The following POM121 variants were observed in gnomAD, a reference collection of about 807,000 sequenced individuals.
POM121 encodes nuclear envelope pore membrane protein POM 121.
In POM121, 32 loss-of-function variants were observed where a neutral mutation model predicts 81.3. The ratio of observed to expected loss-of-function variants is 0.39; its 90% CI spans 0.30 to 0.53. The LOEUF is 0.53. Ranked by LOEUF, POM121 falls within the 20% of genes least tolerant of loss-of-function variation. The pLI is 0.66. For missense variants in POM121, 1,138 were observed against 1,614.6 expected (o/e 0.70, Z 5.06); for synonymous variants, 514 against 694.2 (o/e 0.74, Z 4.08).
intron 11 of POM121, among the ~76,000 whole-genome samples, chr7:72,944,125 C>A (rs530355433): frequency 6.6e-6 from 1 of 152,174 alleles, no homozygotes; most frequent in South Asian, 2.1e-4. Context: ...ATGCAAAGGC[C>A]CAGAGGCAGA....
chr7:72,903,689 A>G (rs1436185883), intron 3 of POM121, among the ~76,000 whole-genome samples: 1 of 152,258 alleles, frequency 6.6e-6, no homozygotes, highest in Non-Finnish European at 1.5e-5. Context: ...GAGAAAAAAA[A>G]AGAAAAACCC....
At chr7:72,924,047 G>C (rs1168810091), upstream of POM121, among the ~76,000 whole-genome samples, 2 of 151,048 alleles carry the variant, frequency 1.3e-5, no homozygotes, top group Non-Finnish European at 2.9e-5. Context: ...CCGAGTTCAC[G>C]CCATTCTCCT....
Position 72,943,384 on chromosome 7 carries a change from G to A in POM121, c.3391G>A (p.Ala1131Thr), listed in dbSNP as rs1554502404. Residue 1131 changes from alanine (A) to threonine (T), a missense_variant, in exon 11 of 13, where the codon GCA (alanine) becomes ACA (threonine). Ala to Thr is a moderately conservative substitution (Grantham distance 58). Transcript: ENST00000434423. ...STTTGAFSFG[A>T]GQSGSTATST... is the part of the protein sequence containing the mutation. ...CACCACCGGAGCTTTCAGCTTTGGAGCAGGACAGAGTGGGAGCACAGCCAC... is the reference window on the plus strand; with the variant it reads ...CACCACCGGAGCTTTCAGCTTTGGAACAGGACAGAGTGGGAGCACAGCCAC... 4.3e-6 allele frequency: 7 copies of A among 1,613,346 alleles called. No homozygotes were observed. The highest frequency in any genetic ancestry group is 3.3e-5 in the South Asian group (3 of 91,010).
At chr7:72,919,308 A>G (rs2129577008) in intron 4 of POM121, among the ~76,000 whole-genome samples, 1 of 149,680 alleles carries the variant, frequency 6.7e-6, no homozygotes, top group African/African-American at 2.5e-5. Flanking sequence ...ATTATATTTT[A>G]AAGAGATTTA....
chr7:72,925,242 C>T lies in POM121; in HGVS notation c.121C>T (p.Leu41=). 6.5e-7 allele frequency: 1 copy of T among 1,534,012 alleles called. No homozygotes were observed. Among genetic ancestry groups the T allele is most frequent in the South Asian group, 1.2e-5 (1 of 83,900 alleles). The change falls in exon 1 of 13, where the codon CTG becomes TTG. Residue 41 remains leucine, a synonymous_variant. Transcript: ENST00000434423. ...PARAVLLGLS[L]VGLLLYLVPA... is the part of the protein sequence containing the mutation. ...CAGGGCGGTGCTCCTGGGCCTGTCG[C>T]TGGTTGGCCTCTTACTGTACCTCGT...
upstream of POM121, among the ~76,000 whole-genome samples, chr7:72,923,250 C>T (rs1314169594): frequency 1.3e-5 from 2 of 151,934 alleles, no homozygotes; most frequent in African/African-American, 4.8e-5. Flanking sequence ...TCTGTGTTGC[C>T]CCAGAGGCAT....
chr7:72,907,695 G>A (rs567696430), intron 3 of POM121, among the ~76,000 whole-genome samples: 1 of 152,160 alleles, frequency 6.6e-6, no homozygotes, highest in Non-Finnish European at 1.5e-5. Flanking sequence ...ATTTTTAGTA[G>A]AGATGGGGTT....
intron 1 of POM121, among the ~76,000 whole-genome samples, chr7:72,887,413 G>T (rs1790832840): frequency 6.6e-6 from 1 of 152,068 alleles, no homozygotes; most frequent in Admixed American, 6.6e-5. Flanking sequence ...ATCTGCCTCG[G>T]TTCTTCTTCT....
chr7:72,938,738 A>T, intron 6 of POM121, 57 bp downstream of exon 6: 1 of 1,580,188 alleles, frequency 6.3e-7, no homozygotes, highest in Non-Finnish European at 8.7e-7. Flanking sequence ...GGGGTGAGGA[A>T]AGGTGGGAAA....
chr7:72,928,298 G>A (rs1362333032), intron 3 of POM121, 87 bp from the exon 4 acceptor site: 1 of 1,535,134 alleles, frequency 6.5e-7, no homozygotes, highest in East Asian at 2.3e-5. Flanking sequence ...CATAGAGATA[G>A]TATAAGGTCC....
In POM121 at chr7:72,943,334, A is replaced by G. The variant is rs782153568; in HGVS notation, c.3341A>G (p.Asn1114Ser). Reference sequence around the variant, plus strand: ...GCTGGCAGTGGGAGCTTTGGGATCAATGTGGCCACCCCAGGCTCCAGCACC... The same window carrying G: ...GCTGGCAGTGGGAGCTTTGGGATCAGTGTGGCCACCCCAGGCTCCAGCACC... ...APAGSGSFGI[N>S]VATPGSSTTT... is the part of the protein sequence containing the mutation. Residue 1114 changes from asparagine (N) to serine (S), a missense_variant, in exon 11 of 13, where the codon AAT (asparagine) becomes AGT (serine). Asn to Ser is a conservative substitution (Grantham distance 46). Coordinates refer to ENST00000434423, the MANE Select transcript of POM121 (RefSeq NM_001387691.1). 3.0e-5 allele frequency: 49 copies of G among 1,607,536 alleles called. 2 individuals carry two copies. In the Middle Eastern group the frequency reaches 3.7e-3, roughly 122 times the overall value.
intron 3 of POM121, among the ~76,000 whole-genome samples, chr7:72,894,641 G>GAA (rs1329726773): frequency 0.16 from 19,357 of 121,492 alleles, 2,581 homozygotes; most frequent in African/African-American, 0.22. Flanking sequence ...GAGAGAGAGA[G>GAA]AGAGAGAGAG....
At chr7:72,895,315 T>C (rs546334158) in intron 3 of POM121, among the ~76,000 whole-genome samples, 1 of 152,214 alleles carries the variant, frequency 6.6e-6, no homozygotes, top group African/African-American at 2.4e-5. Context: ...GAAGTGGTGG[T>C]ATTTGCTTCC....
intron 3 of POM121, among the ~76,000 whole-genome samples, chr7:72,893,343 G>A (rs1791495743): frequency 6.6e-6 from 1 of 151,982 alleles, no homozygotes; most frequent in Non-Finnish European, 1.5e-5. Flanking sequence ...CAGCACTTTG[G>A]GAGGCCGAGG....
At chr7:72,919,553 C>T (rs1794610914) in intron 4 of POM121, among the ~76,000 whole-genome samples, 1 of 152,118 alleles carries the variant, frequency 6.6e-6, no homozygotes, top group Non-Finnish European at 1.5e-5. Context: ...ACAATTATGG[C>T]TCACTGGAGC....
chr7:72,943,039 A>C lies in POM121; in HGVS notation c.3046A>C (p.Lys1016Gln), dbSNP rs782627135. The change falls in exon 11 of 13, where the codon AAG (lysine) becomes CAG (glutamine). Residue 1016 changes from lysine to glutamine, a missense_variant. Transcript: ENST00000434423. ...CACACCTGCACCTCCGTCCATGATC[A>C]AGGTCGTGCCTGCGTACGTGCCTAC... ...APTPAPPSMI[K>Q]VVPAYVPTPI... is the part of the protein sequence containing the mutation. 19 of 1,613,702 alleles carry C rather than the reference A, an allele frequency of 1.2e-5. No homozygotes were observed. Among genetic ancestry groups the C allele is most frequent in the Non-Finnish European group, 1.4e-5 (17 of 1,179,868 alleles).
intron 11 of POM121, among the ~76,000 whole-genome samples, chr7:72,944,123 G>T (rs1797421499): frequency 6.6e-6 from 1 of 152,192 alleles, no homozygotes; most frequent in Non-Finnish European, 1.5e-5. Flanking sequence ...GCATGCAAAG[G>T]CCCAGAGGCA....
intron 3 of POM121, among the ~76,000 whole-genome samples, chr7:72,927,602 C>A (rs534112067): frequency 6.6e-6 from 1 of 151,810 alleles, no homozygotes; most frequent in East Asian, 1.9e-4. Context: ...CCCAGCTACT[C>A]GGAAGGCTGA....
At chr7:72,900,119 G>C (rs147631785) in intron 3 of POM121, among the ~76,000 whole-genome samples, 1,896 of 152,300 alleles carry the variant, frequency 0.012, 30 homozygotes, top group African/African-American at 0.044. Flanking sequence ...AGGTGCTTCT[G>C]ATTTAGCTCG....
Sources: allele counts gnomAD v4.1 joint callset (sites outside exome capture counted in the v4.1 genomes callset), GRCh38; gene constraint gnomAD v4.1.1; transcripts MANE v1.5; gene names NCBI Gene and HGNC (gene_info 2026-07-23, HGNC 2026-07-21).